Variants in PACSIN2 observed in about 807,000 individuals in gnomAD.
PACSIN2 encodes the protein protein kinase C and casein kinase substrate in neurons 2.
A neutral mutation model predicts 63.8 loss-of-function variants in PACSIN2; 25 were observed. That is an observed-to-expected ratio of 0.39 (90% CI 0.29 to 0.55). The LOEUF is 0.55. Ranked by LOEUF, PACSIN2 falls within the 20% of genes least tolerant of loss-of-function variation. The pLI is 0.62. For synonymous variants in PACSIN2, 255 were observed against 256.2 expected, an observed-to-expected ratio of 1.00 and a Z score of 0.05; for missense variants, 518 against 646.9, an observed-to-expected ratio of 0.80 and a Z score of 2.16.
At chr22:42,915,626 A>G (rs1931758727) in intron 1 of PACSIN2, among the ~76,000 whole-genome samples, 1 of 152,204 alleles carries the variant, frequency 6.6e-6, no homozygotes, top group South Asian at 2.1e-4. Flanking sequence ...CCCTGCCACA[A>G]ATCTGTCACC....
At chr22:42,901,782 G>A (rs892474591) in intron 2 of PACSIN2, among the ~76,000 whole-genome samples, 77 of 152,360 alleles carry the variant, frequency 5.1e-4, no homozygotes, top group African/African-American at 1.8e-3. Context: ...TCTGGTTGAA[G>A]ACGATGTTGG....
Position 42,991,524 on chromosome 22 carries a change from G to A in PACSIN2, c.-78+23497C>T, listed in dbSNP as rs531475799. Among the ~76,000 whole-genome samples, 531 of 152,312 alleles carry A rather than the reference G, an allele frequency of 3.5e-3. 2 individuals carry two copies. The highest frequency in any genetic ancestry group is 5.9e-3 in the Non-Finnish European group (401 of 68,020). ...CCCACCAACCAGAAGCCTCTGTATG[G>A]CCCAGAGAAGAAGGAGAGAGACTGT... On this transcript the variant is annotated intron_variant, in intron 1 of 10. Coordinates refer to ENST00000263246, the MANE Select transcript of PACSIN2 (RefSeq NM_001184970.3).
intron 1 of PACSIN2, among the ~76,000 whole-genome samples, chr22:42,958,637 C>T (rs903653808): frequency 3.3e-5 from 5 of 152,128 alleles, no homozygotes; most frequent in African/African-American, 1.2e-4. Flanking sequence ...CGATTAAGGT[C>T]GGACAGACAT....
chr22:42,986,791 C>G (rs554054842), intron 1 of PACSIN2, among the ~76,000 whole-genome samples: 11 of 152,152 alleles, frequency 7.2e-5, no homozygotes, highest in Non-Finnish European at 1.5e-4. Flanking sequence ...GCTACTGCAT[C>G]AACACTTGTC....
chr22:43,010,398 A>ATATATATATTTTTTT, intron 1 of PACSIN2, among the ~76,000 whole-genome samples: 6 of 126,408 alleles, frequency 4.7e-5, no homozygotes, highest in South Asian at 2.7e-4. Context: ...ATATATATAT[A>ATATATATATTTTTTT]TTTTTTTTTA....
At chr22:42,970,692 A>C (rs569039371) in intron 1 of PACSIN2, among the ~76,000 whole-genome samples, 1 of 152,232 alleles carries the variant, frequency 6.6e-6, no homozygotes, top group African/African-American at 2.4e-5. Context: ...AAATTTAGCC[A>C]AGGAAGATGA....
intron 1 of PACSIN2, among the ~76,000 whole-genome samples, chr22:43,008,395 C>A (rs1191930611): frequency 6.6e-6 from 1 of 152,132 alleles, no homozygotes; most frequent in African/African-American, 2.4e-5. Flanking sequence ...GGATTACAGG[C>A]ACGCACCACC....
At chr22:42,914,073 C>T (rs1003911829) in intron 1 of PACSIN2, among the ~76,000 whole-genome samples, 1 of 152,210 alleles carries the variant, frequency 6.6e-6, no homozygotes, top group African/African-American at 2.4e-5. Context: ...AAGATGCATG[C>T]ACGCTCCTAA....
At chr22:42,963,896 C>G (rs1920932939) in intron 1 of PACSIN2, among the ~76,000 whole-genome samples, 1 of 148,486 alleles carries the variant, frequency 6.7e-6, no homozygotes, top group Admixed American at 6.9e-5. Context: ...TAATACTATA[C>G]TGCCTTAAAA....
Position 42,908,084 on chromosome 22 carries a change from C to T in PACSIN2, c.60+3937G>A, listed in dbSNP as rs181282289. 2.5e-3 allele frequency among the ~76,000 whole-genome samples: 386 copies of T among 152,300 alleles called. 2 individuals are homozygous for T. The highest frequency in any genetic ancestry group is 9.2e-3 in the African/African-American group (381 of 41,556). On this transcript the variant is annotated intron_variant, in intron 2 of 10. Transcript: ENST00000263246. ...CAAGATACTTATGTTCTCTTCATCT[C>T]CCCAAATACTCTTCTCAGGGGCTCT...
rs1928590607 is a variant in PACSIN2 at position 42,876,077 on chromosome 22, CCGCCCA to C, written c.1348+54_1348+59del. 1.4e-5 allele frequency: 21 copies of C among 1,448,836 alleles called. No homozygotes were observed. The South Asian group carries it at 2.5e-4, about 17-fold the overall frequency. The allele number at this position is 1,448,836 out of a possible 1,614,324, so 89.7% of individuals were successfully genotyped here. On this transcript the variant is annotated intron_variant, in intron 10 of 10. Coordinates refer to ENST00000263246, the MANE Select transcript of PACSIN2 (RefSeq NM_001184970.3). Reference sequence around the variant, plus strand: ...TTCCAGACTTAAAAAACAAAAAAGACCGCCCACAGCCTGCAGGTTGGAAGCCCTCCT... The same window carrying C: ...TTCCAGACTTAAAAAACAAAAAAGACCAGCCTGCAGGTTGGAAGCCCTCCT...
chr22:42,909,538 G>A (rs750433204), intron 2 of PACSIN2: 4 of 471,138 alleles, frequency 8.5e-6, no homozygotes, highest in Middle Eastern at 3.2e-4. Context: ...GAAGGCGGAC[G>A]ACCACAGCAC....
intron 1 of PACSIN2, among the ~76,000 whole-genome samples, chr22:43,014,367 ACCCCCC>A (rs1160186769): frequency 3.2e-4 from 3 of 9,486 alleles, no homozygotes; most frequent in African/African-American, 8.2e-4. Flanking sequence ...CACACACACC[ACCCCCC>A]CCCCCCCGGG....
chr22:42,879,195 A>G (rs767101116), intron 7 of PACSIN2, 26 bp from the exon 8 acceptor site: 31 of 1,607,804 alleles, frequency 1.9e-5, no homozygotes, highest in Non-Finnish European at 2.6e-5. Flanking sequence ...CGAGGGAGAG[A>G]AACCAAAGGT....
chr22:42,893,621 A>G lies in PACSIN2; in HGVS notation c.61-8T>C, dbSNP rs1290481112. On this transcript the variant is annotated splice_polypyrimidine_tract_variant and splice_region_variant and intron_variant, in intron 2 of 10. Transcript: ENST00000263246. ...CCGCTTGTAGTTCCCGACCTAGGAG[A>G]GAGAACCAGCTGGGAGGCAGGGGGC... 1.2e-6 allele frequency: 2 copies of G among 1,610,228 alleles called. No individual in the cohort carries two copies. Among genetic ancestry groups the G allele is most frequent in the Admixed American group, 1.7e-5 (1 of 59,904 alleles).
chr22:42,981,361 T>C, intron 1 of PACSIN2, among the ~76,000 whole-genome samples: 1 of 119,966 alleles, frequency 8.3e-6, no homozygotes, highest in African/African-American at 3.3e-5. Flanking sequence ...GTGGGGGGGG[T>C]CAGCCCCCCG....
chr22:42,956,035 C>CAAAA (rs572630067), intron 1 of PACSIN2, among the ~76,000 whole-genome samples: 1 of 152,190 alleles, frequency 6.6e-6, no homozygotes, highest in Non-Finnish European at 1.5e-5. Flanking sequence ...TTAATTACAT[C>CAAAA]AACATTTCGT....
chr22:42,889,627 G>A (rs934123940), intron 4 of PACSIN2, among the ~76,000 whole-genome samples: 1 of 152,122 alleles, frequency 6.6e-6, no homozygotes, highest in Admixed American at 6.5e-5. Context: ...ATTCTGAGGC[G>A]GAGGAAGGCA....
rs780034039 is a variant in PACSIN2, at chr22:42,893,480, C to T, written c.194G>A (p.Arg65His). 5.6e-6 allele frequency: 9 copies of T among 1,613,512 alleles called. No individual in the cohort carries two copies. The African/African-American group carries it at 6.7e-5, about 12-fold the overall frequency. The stretch of plus-strand genomic sequence containing the variant: ...ACCTTTCTCCACGAGCTGCCTCCAG[C>T]GCCGGGCCCACTCAGTGAGCTGCTG... The part of the protein sequence containing the change: ...YAQQLTEWAR[R>H]WRQLVEKGPQ... Residue 65 changes from arginine (R) to histidine (H), a missense_variant, in exon 3 of 11, where the codon CGC becomes CAC. Arg to His is a conservative substitution (Grantham distance 29). Around this residue, in one of 2 missense-constraint regions of PACSIN2, gnomAD observed 507 missense variants for 612.3 expected, o/e 0.83. Coordinates refer to ENST00000263246, the MANE Select transcript of PACSIN2 (RefSeq NM_001184970.3).
Sources: gnomAD v4.1 joint callset for allele counts (sites outside exome capture counted in the v4.1 genomes callset) on GRCh38, gnomAD v4.1.1 for gene constraint, gnomAD v4.1.1 regional missense constraint, MANE v1.5 for transcripts, NCBI Gene and HGNC (gene_info 2026-07-23, HGNC 2026-07-21) for gene names.